RAB11FIP3: variants seen among roughly 807,000 people sequenced by gnomAD.
The protein encoded by RAB11FIP3 is RAB11 family interacting protein 3.
Under a neutral mutation model 77.8 loss-of-function variants are expected in RAB11FIP3, and 17 were observed. That is an observed-to-expected ratio of 0.22 (90% confidence interval 0.15 to 0.33). RAB11FIP3 has a LOEUF of 0.33. Ranked by LOEUF, RAB11FIP3 falls within the 10% of genes least tolerant of loss-of-function variation. The pLI is 1.00. For synonymous variants in RAB11FIP3, 437 were observed against 448.2 expected (o/e 0.98, Z 0.31); for missense variants, 1,005 against 1,011.2 (o/e 0.99, Z 0.08).
chr16:484,683 A>G (rs967802279), intron 4 of RAB11FIP3, among the ~76,000 whole-genome samples: 1 of 152,120 alleles, frequency 6.6e-6, no homozygotes, highest in African/African-American at 2.4e-5. Flanking sequence ...GCATTGCTGT[A>G]AACTGTTGAC....
intron 6 of RAB11FIP3, among the ~76,000 whole-genome samples, chr16:499,984 C>CAA: frequency 6.6e-6 from 1 of 152,366 alleles, no homozygotes. Flanking sequence ...ATTCGCTTCT[C>CAA]ACAGTTCTCA....
Position 461,598 on chromosome 16 carries a change from C to T in RAB11FIP3, c.808+101C>T, listed in dbSNP as rs2141650842. ...AGGCTCCTCGTGCTGACTCTAACATCTTTCCTTCTCCTTGAAGCCCCCAAC... is the reference window on the plus strand; with the variant it reads ...AGGCTCCTCGTGCTGACTCTAACATTTTTCCTTCTCCTTGAAGCCCCCAAC... On this transcript the variant is annotated intron_variant, in intron 2 of 13. Coordinates refer to ENST00000262305, the MANE Select transcript of RAB11FIP3 (RefSeq NM_014700.4). The surrounding 1 kb of genome is among the most constrained non-coding windows in gnomAD (Gnocchi z 4.5). The T allele has an allele frequency of 1.1e-5, 11 of 956,962 alleles. No individual in the cohort carries two copies. Among genetic ancestry groups the T allele is most frequent in the South Asian group, 1.0e-4 (7 of 67,622 alleles). 59.3% of individuals were successfully genotyped at this position (956,962 alleles called of 1,614,324 possible). A position where few individuals can be genotyped will look rare whatever the true frequency, so the allele number is the denominator to read the frequency against.
rs556853504 is a variant in RAB11FIP3, at chr16:461,007, C to A, written c.715-397C>A. On this transcript the variant is annotated intron_variant, in intron 1 of 13. Coordinates refer to ENST00000262305, the MANE Select transcript of RAB11FIP3 (RefSeq NM_014700.4). This position sits in a 1 kb window ranked among gnomAD's most constrained non-coding sequence, Gnocchi z 4.5. ...GCATGTGGTGAAAAAGCCAAGCTCG[C>A]GATACAGCCTAATCCCGATTCCCTA... Among the ~76,000 whole-genome samples, 1 of 150,556 alleles carries A rather than the reference C, an allele frequency of 6.6e-6. No homozygotes were observed. The highest frequency in any genetic ancestry group is 6.6e-5 in the Admixed American group (1 of 15,244).
Position 507,647 on chromosome 16 carries a change from C to T in RAB11FIP3, c.1499+2020C>T, listed in dbSNP as rs554223971. On this transcript the variant is annotated intron_variant, in intron 8 of 13. Transcript: ENST00000262305. The surrounding 1 kb of genome is among the most constrained non-coding windows in gnomAD (Gnocchi z 4.6). ...GTGTGAAGTCCACACTGCCGCCTGG[C>T]ACCACCCACTGACCGTCTGCAGTGC... Among the ~76,000 whole-genome samples the T allele has an allele frequency of 2.3e-3, 357 of 152,374 alleles. 6 individuals carry two copies. The highest frequency in any genetic ancestry group is 8.2e-3 in the African/African-American group (343 of 41,588).
At chr16:466,971 G>A (rs1381529864) in intron 2 of RAB11FIP3, among the ~76,000 whole-genome samples, 3 of 152,164 alleles carry the variant, frequency 2.0e-5, no homozygotes, top group African/African-American at 4.8e-5. Flanking sequence ...GGGAGAGCAC[G>A]GCTGGCACCT....
intron 4 of RAB11FIP3, 129 bp downstream of exon 4, chr16:482,865 T>C: frequency 1.9e-6 from 2 of 1,031,970 alleles, no homozygotes; most frequent in South Asian, 1.6e-5. Context: ...GGGTGGGGCT[T>C]GGCCCTGCAG....
At chr16:443,660 G>A (rs1022893106) in intron 1 of RAB11FIP3, among the ~76,000 whole-genome samples, 2 of 152,156 alleles carry the variant, frequency 1.3e-5, no homozygotes, top group African/African-American at 4.8e-5. Context: ...CTGCCTCCCA[G>A]GTTCAAGCGA....
chr16:453,809 G>A (rs2055451070), intron 1 of RAB11FIP3, among the ~76,000 whole-genome samples: 2 of 151,620 alleles, frequency 1.3e-5, no homozygotes, highest in African/African-American at 4.9e-5. Flanking sequence ...TAGCCAGGCT[G>A]GTCTCGAACT....
chr16:444,424 C>G (rs141961151), intron 1 of RAB11FIP3, among the ~76,000 whole-genome samples: 5 of 152,164 alleles, frequency 3.3e-5, no homozygotes, highest in Non-Finnish European at 7.3e-5. Flanking sequence ...GTTGGATGAT[C>G]TCTTGATAAT....
chr16:428,483 C>T (rs1197608545), intron 1 of RAB11FIP3, among the ~76,000 whole-genome samples: 1 of 152,142 alleles, frequency 6.6e-6, no homozygotes, highest in Non-Finnish European at 1.5e-5. Flanking sequence ...ACATTTGCTC[C>T]TTGTTACCAT....
intron 9 of RAB11FIP3, among the ~76,000 whole-genome samples, chr16:516,956 C>G (rs1307398028): frequency 6.6e-6 from 1 of 152,218 alleles, no homozygotes; most frequent in Non-Finnish European, 1.5e-5. Context: ...GGGGGCTGGA[C>G]CCAGTGAGCG....
chr16:492,382 G>A lies in RAB11FIP3; in HGVS notation c.1265+3382G>A, dbSNP rs560681685. Among the ~76,000 whole-genome samples, 31 of 144,330 alleles carry A rather than the reference G, an allele frequency of 2.1e-4. 1 individual carries two copies. Among genetic ancestry groups the A allele is most frequent in the Admixed American group, 4.8e-4 (7 of 14,544 alleles). 94.7% of individuals were successfully genotyped at this position (144,330 alleles called of 152,430 possible). On this transcript the variant is annotated intron_variant, in intron 5 of 13. Coordinates refer to ENST00000262305, the MANE Select transcript of RAB11FIP3 (RefSeq NM_014700.4). ...GGGTCTTCCCGGGAGACCCGAGGCC[G>A]CCCAGAGCCCTCCCCGGGAGACCCG...
In RAB11FIP3 at chr16:425,666, C is replaced by T. The variant is rs1431301158; in HGVS notation, c.-341C>T. The T allele has an allele frequency of 8.7e-6, 2 of 231,018 alleles. No individual in the cohort carries two copies. Among genetic ancestry groups the T allele is most frequent in the Non-Finnish European group, 1.7e-5 (2 of 117,886 alleles). 14.3% of individuals were successfully genotyped at this position (231,018 alleles called of 1,614,324 possible). A position where few individuals can be genotyped will look rare whatever the true frequency, so the allele number is the denominator to read the frequency against. ...GGCGCCTCAGCCTCCTTAGTCTCCT[C>T]ATCCTGCTTCACAGGCTCCGCGGCC... is the stretch of plus-strand genomic sequence containing the variant. On this transcript the variant is annotated 5_prime_UTR_variant, in exon 1 of 14. Coordinates refer to ENST00000262305, the MANE Select transcript of RAB11FIP3 (RefSeq NM_014700.4).
At position 518,851 on chromosome 16, in the gene RAB11FIP3, G is replaced by T. The variant is rs1596304334; in HGVS notation, c.1641-92G>T. 3 of 1,349,748 alleles carry T rather than the reference G, an allele frequency of 2.2e-6. No homozygotes were observed. The East Asian group carries it at 6.9e-5, about 31-fold the overall frequency. The allele number at this position is 1,349,748 out of a possible 1,614,324, so 83.6% of individuals were successfully genotyped here. A position where few individuals can be genotyped will look rare whatever the true frequency, so the allele number is the denominator to read the frequency against. Reference sequence around the variant, plus strand: ...GGGGGCGTCTGTTGGTCACAGGGCGGCCCCAGCAGGGTTTCCCTGAGACAC... The same window carrying T: ...GGGGGCGTCTGTTGGTCACAGGGCGTCCCCAGCAGGGTTTCCCTGAGACAC... On this transcript the variant is annotated intron_variant, in intron 9 of 13. Coordinates refer to ENST00000262305, the MANE Select transcript of RAB11FIP3 (RefSeq NM_014700.4).
At chr16:489,838 T>C (rs530015477) in intron 5 of RAB11FIP3, among the ~76,000 whole-genome samples, 1 of 152,332 alleles carries the variant, frequency 6.6e-6, no homozygotes, top group East Asian at 1.9e-4. Flanking sequence ...TGTGCCCTCC[T>C]TGAAGCCGCC....
intron 1 of RAB11FIP3, among the ~76,000 whole-genome samples, chr16:449,368 T>C (rs1302349481): frequency 6.6e-6 from 1 of 152,146 alleles, no homozygotes; most frequent in Non-Finnish European, 1.5e-5. Flanking sequence ...GGTTGGTCGT[T>C]TGCCAGAAAT....
chr16:458,640 G>A (rs1567368329), intron 1 of RAB11FIP3, among the ~76,000 whole-genome samples: 2 of 99,484 alleles, frequency 2.0e-5, no homozygotes, highest in South Asian at 6.5e-4. Context: ...ACCTGCCTGA[G>A]GCCCTAGGGT....
At position 505,650 on chromosome 16, in the gene RAB11FIP3, G is replaced by A. The variant is rs369174636; in HGVS notation, c.1499+23G>A. On this transcript the variant is annotated intron_variant, in intron 8 of 13. Transcript: ENST00000262305. The surrounding 1 kb of genome is among the most constrained non-coding windows in gnomAD (Gnocchi z 4.0). ...CAGGTGAGCCTGGGCCAGGAGACCC[G>A]GGCCTCTGCGTGGCGCCTCCTGTGC... 9.0e-6 allele frequency: 14 copies of A among 1,554,050 alleles called. No individual in the cohort carries two copies. In the South Asian group the frequency reaches 1.1e-4, roughly 13 times the overall value.
intron 2 of RAB11FIP3, among the ~76,000 whole-genome samples, chr16:464,540 A>G (rs1053234523): frequency 5.3e-5 from 8 of 152,116 alleles, no homozygotes; most frequent in Non-Finnish European, 8.8e-5. Flanking sequence ...TTTGTTCTCT[A>G]ACTGATTCAC....
Sources: gnomAD v4.1 joint callset for allele counts (sites outside exome capture counted in the v4.1 genomes callset) on GRCh38, gnomAD v4.1.1 for gene constraint, Gnocchi (gnomAD v3.1) non-coding constraint, MANE v1.5 for transcripts, NCBI Gene and HGNC (gene_info 2026-07-23, HGNC 2026-07-21) for gene names.